The following MIB1 variants were observed in gnomAD, a reference collection of about 807,000 sequenced individuals.
The protein encoded by MIB1 is MIB E3 ubiquitin protein ligase 1, also known as E3 ubiquitin-protein ligase MIB1.
A neutral mutation model predicts 124.5 loss-of-function variants in MIB1; 278 were observed. The observed-to-expected ratio is 2.23, with a 90% CI of 2.02 to 2.47. The LOEUF (loss-of-function observed/expected upper bound fraction) is 2.47, where lower values mean the gene tolerates loss of function less well. Ranked by LOEUF, MIB1 falls within the 30% of genes most tolerant of loss-of-function variation. MIB1 has a pLI of 0.00. For synonymous variants in MIB1, 446 were observed against 429.4 expected, an observed-to-expected ratio of 1.04 and a Z score of -0.48; for missense variants, 957 against 1,254.4, an observed-to-expected ratio of 0.76 and a Z score of 3.58.
upstream of MIB1, among the ~76,000 whole-genome samples, chr18:21,736,205 G>T (rs1420434417): frequency 2.6e-5 from 4 of 152,230 alleles, no homozygotes; most frequent in Non-Finnish European, 4.4e-5. Context: ...TTGCTGTTCT[G>T]CAGCCTCTGC....
At chr18:21,816,406 A>G (rs2041830038) in intron 11 of MIB1, among the ~76,000 whole-genome samples, 1 of 152,234 alleles carries the variant, frequency 6.6e-6, no homozygotes, top group Non-Finnish European at 1.5e-5. Context: ...TAGTTTGGTT[A>G]CTAAGCAACT....
chr18:21,739,462 C>T (rs2146369761), upstream of MIB1, among the ~76,000 whole-genome samples: 1 of 152,274 alleles, frequency 6.6e-6, no homozygotes, highest in East Asian at 1.9e-4. Context: ...CAGCATCATC[C>T]TGATACCAAA....
intron 12 of MIB1, among the ~76,000 whole-genome samples, chr18:21,822,834 T>C (rs911950517): frequency 2.6e-5 from 4 of 152,124 alleles, no homozygotes; most frequent in Non-Finnish European, 5.9e-5. Context: ...GTGTGGTGAT[T>C]TACATTTGTA....
intron 12 of MIB1, among the ~76,000 whole-genome samples, chr18:21,832,098 T>C (rs2041989677): frequency 6.6e-6 from 1 of 152,120 alleles, no homozygotes; most frequent in Non-Finnish European, 1.5e-5. Flanking sequence ...GAGAAGAAAG[T>C]AGTATGTAAA....
chr18:21,826,580 GA>G (rs1456052619), intron 12 of MIB1: 6 of 151,998 alleles, frequency 3.9e-5, no homozygotes, highest in African/African-American at 1.4e-4. Flanking sequence ...ACAATCCATG[GA>G]TACAAGTATT....
rs142565310 is a variant in MIB1, at chr18:21,810,036, GT to G, written c.1480-5578del. Among the ~76,000 whole-genome samples, 453 of 152,118 alleles carry G rather than the reference GT, an allele frequency of 3.0e-3. 2 individuals carry two copies. The highest frequency in any genetic ancestry group is 0.01 in the African/African-American group (429 of 41,558). ...ATTTAGCAGTTTAGCAGAATACGAA[GT>G]TAAAACACAGAAATCAGTTGTATGT... On this transcript the variant is annotated intron_variant, in intron 10 of 20. Coordinates refer to ENST00000261537, the MANE Select transcript of MIB1 (RefSeq NM_020774.4).
Position 21,846,997 on chromosome 18 carries a change from T to C in MIB1, c.2265T>C (p.Ile755=). Residue 755 remains isoleucine, a synonymous_variant, in exon 16 of 21, where the codon ATT becomes ATC. Transcript: ENST00000261537. ...CAGAGAAGAAGAGTGCAGCATCTAT[T>C]GCCTGTTTCTTGGCAGCCAATGGTG... ...QGAEKKSAAS[I]ACFLAANGAD... 1 of 1,614,196 alleles carries C rather than the reference T, an allele frequency of 6.2e-7. No homozygotes were observed. The highest frequency in any genetic ancestry group is 1.1e-5 in the South Asian group (1 of 91,084).
At chr18:21,784,182 G>C (rs2041406277) in intron 6 of MIB1, among the ~76,000 whole-genome samples, 1 of 151,894 alleles carries the variant, frequency 6.6e-6, no homozygotes, top group Admixed American at 6.6e-5. Context: ...CCGCGTAGCT[G>C]GGACTACAGG....
At chr18:21,790,597 C>T (rs77147323) in intron 6 of MIB1, among the ~76,000 whole-genome samples, 1,880 of 151,572 alleles carry the variant, frequency 0.012, 40 homozygotes, top group African/African-American at 0.039. Flanking sequence ...TATAATATTC[C>T]CATTTATGGA....
chr18:21,836,481 A>T (rs1334683883), intron 12 of MIB1, among the ~76,000 whole-genome samples: 2 of 152,054 alleles, frequency 1.3e-5, no homozygotes, highest in African/African-American at 4.8e-5. Context: ...CTTCTGCGTC[A>T]TCCCTCCTTA....
At chr18:21,851,659 A>G (rs2042181213) in intron 17 of MIB1, among the ~76,000 whole-genome samples, 1 of 152,208 alleles carries the variant, frequency 6.6e-6, no homozygotes, top group African/African-American at 2.4e-5. Context: ...AATTAACATG[A>G]ACTATTTCAG....
rs551789855 is a variant in MIB1 at position 21,825,331 on chromosome 18, T to A, written c.1829+5685T>A. The stretch of plus-strand genomic sequence containing the variant: ...ATGTAAACCACACTGTACAATCCCA[T>A]TATGTGTTCAGGTGGGTTTTAGGTG... On this transcript the variant is annotated intron_variant, in intron 12 of 20. Coordinates refer to ENST00000261537, the MANE Select transcript of MIB1 (RefSeq NM_020774.4). Among the ~76,000 whole-genome samples, 3 of 152,278 alleles carry A rather than the reference T, an allele frequency of 2.0e-5. No individual in the cohort carries two copies. The South Asian group carries it at 6.2e-4, about 32-fold the overall frequency.
chr18:21,713,661 T>C (rs1490273481), intron 1 of MIB1, among the ~76,000 whole-genome samples: 13 of 149,304 alleles, frequency 8.7e-5, no homozygotes, highest in Non-Finnish European at 1.6e-4. Context: ...AAGTTCTCAT[T>C]ATGTTGAACT....
At chr18:21,844,286 T>G in intron 15 of MIB1, 33 bp downstream of exon 15, 1 of 1,603,642 alleles carries the variant, frequency 6.2e-7, no homozygotes, top group Non-Finnish European at 8.5e-7. Flanking sequence ...TCAGTACCAG[T>G]GGAAGAATCT....
At position 21,768,637 on chromosome 18, in the gene MIB1, C is replaced by T. The variant is rs2041191137; in HGVS notation, c.416C>T (p.Ser139Phe). Reference sequence around the variant, plus strand: ...TTTATTTTTAGGGTTCTGTTAGAGTCTCGTAGGAAATCTAAGAAGATTACA... The same window carrying T: ...TTTATTTTTAGGGTTCTGTTAGAGTTTCGTAGGAAATCTAAGAAGATTACA... ...TPGSERVLLE[S>F]RRKSKKITAR... The change falls in exon 3 of 21, where the codon TCT becomes TTT. Residue 139 changes from serine (S) to phenylalanine (F), a missense_variant. Physicochemically the swap from Ser to Phe is radical, Grantham distance 155. Coordinates refer to ENST00000261537, the MANE Select transcript of MIB1 (RefSeq NM_020774.4). The T allele has an allele frequency of 1.9e-6, 3 of 1,570,730 alleles. No homozygotes were observed. Among genetic ancestry groups the T allele is most frequent in the Non-Finnish European group, 2.6e-6 (3 of 1,156,036 alleles).
chr18:21,836,726 A>G (rs926483048), intron 12 of MIB1, among the ~76,000 whole-genome samples: 2 of 152,280 alleles, frequency 1.3e-5, no homozygotes, highest in East Asian at 3.9e-4. Flanking sequence ...CACTTTTCAC[A>G]TGATTTAATA....
intron 1 of MIB1, among the ~76,000 whole-genome samples, chr18:21,725,903 A>G (rs892568291): frequency 6.6e-6 from 1 of 152,224 alleles, no homozygotes; most frequent in Non-Finnish European, 1.5e-5. Context: ...TCATGCAAAG[A>G]TGTAACTTTC....
chr18:21,847,056 C>A lies in MIB1; in HGVS notation c.2324C>A (p.Ser775Ter). ...DLSIRNKKGQ[S>*]PLDLCPDPNL... ...AGCATTCGAAATAAGAAGGGTCAAT[C>A]GCCACTTGATCTCTGTCCTGATCCG... is the stretch of plus-strand genomic sequence containing the variant. The change falls in exon 16 of 21, where the codon TCG (serine) becomes TAG (stop). Residue 775 changes from serine to a stop codon, truncating the protein, a stop_gained. Coordinates refer to ENST00000261537, the MANE Select transcript of MIB1 (RefSeq NM_020774.4). LOFTEE classifies it high-confidence loss of function. The A allele has an allele frequency of 6.2e-7, 1 of 1,614,102 alleles. No individual in the cohort carries two copies. Among genetic ancestry groups the A allele is most frequent in the South Asian group, 1.1e-5 (1 of 91,080 alleles).
At chr18:21,754,073 A>ATT (rs906477665) in intron 1 of MIB1, among the ~76,000 whole-genome samples, 2 of 152,124 alleles carry the variant, frequency 1.3e-5, no homozygotes, top group Non-Finnish European at 2.9e-5. Context: ...TGCACACTGT[A>ATT]TTTCTCCTTT....
Sources: allele counts gnomAD v4.1 joint callset (sites outside exome capture counted in the v4.1 genomes callset), GRCh38; gene constraint gnomAD v4.1.1; transcripts MANE v1.5; gene names NCBI Gene and HGNC (gene_info 2026-07-23, HGNC 2026-07-21).